Variants in MRAP2 observed in about 807,000 individuals in gnomAD.
The protein encoded by MRAP2 is melanocortin 2 receptor accessory protein 2, also known as melanocortin-2 receptor accessory protein 2.
Under a neutral mutation model 17.4 loss-of-function variants are expected in MRAP2, and 20 were observed. The observed-to-expected ratio is 1.15, with a 90% CI of 0.81 to 1.67. MRAP2 has a LOEUF of 1.67. Ranked by LOEUF, MRAP2 falls within the 40% of genes most tolerant of loss-of-function variation. The pLI is 0.00. For synonymous variants in MRAP2, 96 were observed against 88.4 expected, an observed-to-expected ratio of 1.09 and a Z score of -0.48; for missense variants, 238 against 240.0, an observed-to-expected ratio of 0.99 and a Z score of 0.05.
the MRAP2 span, chr6:84,125,299 T>C: frequency 9.4e-6 from 15 of 1,598,866 alleles, no homozygotes; most frequent in African/African-American, 2.7e-5. Context: ...AAATTCCACA[T>C]TGCTGTTATA....
the MRAP2 span, among the ~76,000 whole-genome samples, chr6:84,102,771 G>A: frequency 1.2e-4 from 18 of 151,878 alleles, no homozygotes; most frequent in Admixed American, 8.5e-4. Flanking sequence ...GGAGGACCTC[G>A]GTGATTAAGG....
the MRAP2 span, among the ~76,000 whole-genome samples, chr6:84,104,273 C>A: frequency 7.9e-5 from 12 of 152,294 alleles, no homozygotes; most frequent in African/African-American, 2.9e-4. Flanking sequence ...AACTCTGGTT[C>A]CTGCCCACGA....
chr6:84,097,304 T>C, the MRAP2 span, among the ~76,000 whole-genome samples: 4 of 152,326 alleles, frequency 2.6e-5, no homozygotes, highest in African/African-American at 9.6e-5. Flanking sequence ...ACGAGCCCAC[T>C]CTTTTCAGGG....
the MRAP2 span, among the ~76,000 whole-genome samples, chr6:84,132,044 C>CA: frequency 6.6e-6 from 1 of 152,168 alleles, no homozygotes; most frequent in African/African-American, 2.4e-5. Context: ...CTGGTGGTGA[C>CA]AAAATCTCTC....
intron 3 of MRAP2, among the ~76,000 whole-genome samples, chr6:84,078,719 C>G (rs1451039403): frequency 6.6e-6 from 1 of 152,188 alleles, no homozygotes; most frequent in Non-Finnish European, 1.5e-5. Flanking sequence ...CAAGAGTAGG[C>G]TGCTATAATG....
intron 1 of MRAP2, among the ~76,000 whole-genome samples, chr6:84,040,412 G>C (rs144037928): frequency 5.3e-5 from 8 of 152,324 alleles, no homozygotes; most frequent in African/African-American, 1.9e-4. Context: ...TACTATTAAA[G>C]ATACCAGAAA....
downstream of MRAP2, among the ~76,000 whole-genome samples, chr6:84,095,613 T>C (rs2099502544): frequency 6.6e-6 from 1 of 152,208 alleles, no homozygotes; most frequent in Non-Finnish European, 1.5e-5. Flanking sequence ...TGCCAAAATA[T>C]ATACTGTGTA....
chr6:84,129,752 T>A, the MRAP2 span, among the ~76,000 whole-genome samples: 8 of 152,160 alleles, frequency 5.3e-5, no homozygotes, highest in African/African-American at 1.7e-4. Flanking sequence ...CCCATATTGA[T>A]TTTGGACTGA....
At chr6:84,145,351 C>G in the MRAP2 span, among the ~76,000 whole-genome samples, 2 of 152,100 alleles carry the variant, frequency 1.3e-5, no homozygotes, top group African/African-American at 4.8e-5. Flanking sequence ...TCCAGCAAAA[C>G]AGACTTATAA....
chr6:84,048,628 A>C (rs2099489630), intron 1 of MRAP2, among the ~76,000 whole-genome samples: 1 of 152,200 alleles, frequency 6.6e-6, no homozygotes, highest in Non-Finnish European at 1.5e-5. Context: ...GGTGGCAACC[A>C]TTGACACTGG....
intron 1 of MRAP2, among the ~76,000 whole-genome samples, chr6:84,054,504 A>T (rs1465880762): frequency 6.6e-6 from 1 of 152,202 alleles, no homozygotes. Flanking sequence ...ATCTTCTGCA[A>T]GATCCACTAT....
chr6:84,114,868 C>T, the MRAP2 span, among the ~76,000 whole-genome samples: 2 of 152,194 alleles, frequency 1.3e-5, no homozygotes, highest in African/African-American at 2.4e-5. Context: ...TGGACATCCA[C>T]TGCAGACCCT....
the MRAP2 span, among the ~76,000 whole-genome samples, chr6:84,110,409 T>C: frequency 1.3e-5 from 2 of 152,264 alleles, no homozygotes; most frequent in Non-Finnish European, 2.9e-5. Flanking sequence ...TGTCTGTTCA[T>C]ATCCTTCACC....
At chr6:84,046,452 G>A (rs1279377117) in intron 1 of MRAP2, among the ~76,000 whole-genome samples, 1 of 152,076 alleles carries the variant, frequency 6.6e-6, no homozygotes, top group Admixed American at 6.5e-5. Flanking sequence ...AATGAATTGG[G>A]CTAATGACAG....
the MRAP2 span, among the ~76,000 whole-genome samples, chr6:84,097,729 C>G: frequency 6.6e-6 from 1 of 152,242 alleles, no homozygotes; most frequent in South Asian, 2.1e-4. Context: ...TTTAATGTTT[C>G]TTATTCTTAT....
chr6:84,128,674 C>T, the MRAP2 span, among the ~76,000 whole-genome samples: 1 of 152,060 alleles, frequency 6.6e-6, no homozygotes, highest in Non-Finnish European at 1.5e-5. Flanking sequence ...ACACTTTGCA[C>T]AGTTCCTAGT....
intron 2 of MRAP2, among the ~76,000 whole-genome samples, chr6:84,061,487 C>T (rs1432375117): frequency 6.6e-6 from 1 of 152,170 alleles, no homozygotes; most frequent in Non-Finnish European, 1.5e-5. Context: ...CAAGGAGAGC[C>T]CTGTTTAGGG....
chr6:84,043,166 C>A (rs952436419), intron 1 of MRAP2, among the ~76,000 whole-genome samples: 3 of 152,106 alleles, frequency 2.0e-5, no homozygotes, highest in Non-Finnish European at 4.4e-5. Context: ...TGGTTGATTC[C>A]CTGGTATTCT....
At chr6:84,042,808 T>C (rs1304532871) in intron 1 of MRAP2, among the ~76,000 whole-genome samples, 5 of 152,234 alleles carry the variant, frequency 3.3e-5, no homozygotes, top group Non-Finnish European at 7.3e-5. Context: ...AGCCCAGGCC[T>C]CAGAAGATAA....
Sources: gnomAD v4.1 joint callset for allele counts (sites outside exome capture counted in the v4.1 genomes callset) on GRCh38, gnomAD v4.1.1 for gene constraint, MANE v1.5 for transcripts, NCBI Gene and HGNC (gene_info 2026-07-23, HGNC 2026-07-21) for gene names.